The following NDRG1 variants were observed in gnomAD, a reference collection of about 807,000 sequenced individuals.
NDRG1 encodes the protein N-myc downstream regulated 1.
Under a neutral mutation model 56.9 loss-of-function variants are expected in NDRG1, and 32 were observed. That is an observed-to-expected ratio of 0.56 (90% CI 0.42 to 0.76). NDRG1 has a LOEUF of 0.76. Ranked by LOEUF, NDRG1 falls within the 30% of genes least tolerant of loss-of-function variation. NDRG1 has a pLI of 0.00. For synonymous variants in NDRG1, 211 were observed against 204.1 expected (o/e 1.03, Z -0.29); for missense variants, 507 against 545.7 (o/e 0.93, Z 0.71).
At chr8:133,290,610 G>A (rs111839532) in intron 1 of NDRG1, among the ~76,000 whole-genome samples, 44 of 152,290 alleles carry the variant, frequency 2.9e-4, no homozygotes, top group African/African-American at 7.0e-4. Flanking sequence ...CAGATACAAC[G>A]TTGTAAGGTG....
chr8:133,267,193 C>T (rs1405088926), intron 3 of NDRG1, among the ~76,000 whole-genome samples: 1 of 152,162 alleles, frequency 6.6e-6, no homozygotes, highest in Non-Finnish European at 1.5e-5. Context: ...CATCTAAACT[C>T]CTGCAGAGGG....
At chr8:133,260,536 G>C (rs3779934) in intron 5 of NDRG1, among the ~76,000 whole-genome samples, 73,032 of 152,004 alleles carry the variant, frequency 0.48, 17,709 homozygotes, top group South Asian at 0.67. Context: ...CAGAATATTT[G>C]TAAAACTTCA....
At chr8:133,240,290 A>G (rs1855307823) in intron 15 of NDRG1, 1 of 152,242 alleles carries the variant, frequency 6.6e-6, no homozygotes, top group Non-Finnish European at 1.5e-5. Context: ...GTCAGACATC[A>G]GAAACAGGGG....
chr8:133,258,167 T>G (rs1242181888), intron 7 of NDRG1, among the ~76,000 whole-genome samples, 199 bp downstream of exon 7: 1 of 151,914 alleles, frequency 6.6e-6, no homozygotes. Context: ...TCCAGTATCA[T>G]CCTTGAGTGG....
At chr8:133,280,340 G>T in intron 2 of NDRG1, 73 bp from the exon 3 acceptor site, 1 of 1,446,228 alleles carries the variant, frequency 6.9e-7, no homozygotes, top group Middle Eastern at 1.8e-4. Flanking sequence ...GGACATATGG[G>T]CCTTTCTATG....
At chr8:133,259,442 A>G (rs1472260983) in intron 5 of NDRG1, 2 of 606,228 alleles carry the variant, frequency 3.3e-6, no homozygotes, top group African/African-American at 1.8e-5. Context: ...CCATGGACAC[A>G]TTCTGGGAAT....
At chr8:133,270,357 C>T (rs1350628618) in intron 3 of NDRG1, among the ~76,000 whole-genome samples, 8 of 152,166 alleles carry the variant, frequency 5.3e-5, no homozygotes, top group Non-Finnish European at 2.9e-5. Context: ...TGGTTGGCAT[C>T]CCAAACATCT....
intron 8 of NDRG1, among the ~76,000 whole-genome samples, chr8:133,256,563 A>T (rs1856380336): frequency 6.6e-6 from 1 of 152,198 alleles, no homozygotes; most frequent in South Asian, 2.1e-4. Context: ...TGGCTTAGAC[A>T]GCTTGGTGGT....
intron 15 of NDRG1, 191 bp downstream of exon 15, chr8:133,241,832 C>G (rs1855398997): frequency 1.5e-6 from 1 of 656,450 alleles, no homozygotes; most frequent in South Asian, 1.8e-5. Flanking sequence ...GAAAAATGAG[C>G]CTCACTGATA....
intron 15 of NDRG1, chr8:133,241,804 T>C (rs1416846404): frequency 6.5e-6 from 4 of 617,456 alleles, no homozygotes; most frequent in Non-Finnish European, 1.2e-5. Flanking sequence ...GTGAAACAAC[T>C]TCTATTCAAC....
At chr8:133,242,163 A>C in intron 14 of NDRG1, 89 bp from the exon 15 acceptor site, 1 of 1,354,362 alleles carries the variant, frequency 7.4e-7, no homozygotes, top group South Asian at 1.2e-5. Flanking sequence ...GGTCACCTTC[A>C]TTTGAGAGTT....
In NDRG1 at chr8:133,238,928, C is replaced by T; in HGVS notation, c.1135G>A (p.Gly379Ser). The T allele has an allele frequency of 6.4e-7, 1 of 1,565,626 alleles. No individual in the cohort carries two copies. The highest frequency in any genetic ancestry group is 8.7e-7 in the Non-Finnish European group (1 of 1,155,682). Residue 379 changes from glycine (G) to serine (S), a missense_variant, in exon 16 of 16, where the codon GGT (glycine) becomes AGT (serine). Physicochemically the swap from Gly to Ser is moderately conservative, Grantham distance 56. Coordinates refer to ENST00000323851, the MANE Select transcript of NDRG1 (RefSeq NM_006096.4). Reference protein sequence around the residue: ...GAHLDITPNSGAAGNSAGPKS... With the variant: ...GAHLDITPNSSAAGNSAGPKS... ...GGCCCGGCGCTGTTCCCAGCAGCAC[C>T]CGAGTTGGGGGTGATGTCCAGGTGG...
chr8:133,261,142 G>A (rs1009418940), intron 5 of NDRG1, among the ~76,000 whole-genome samples: 1 of 151,976 alleles, frequency 6.6e-6, no homozygotes, highest in African/African-American at 2.4e-5. Context: ...GTCTTGCTCT[G>A]TCACCCAGGC....
In NDRG1 at chr8:133,254,457, C is replaced by T. The variant is rs1037000686; in HGVS notation, c.594+82G>A. 16 of 1,471,822 alleles carry T rather than the reference C, an allele frequency of 1.1e-5. No homozygotes were observed. The South Asian group carries it at 1.2e-4, about 11-fold the overall frequency. The allele number at this position is 1,471,822 out of a possible 1,614,324, so 91.2% of individuals were successfully genotyped here. On this transcript the variant is annotated intron_variant, in intron 9 of 15. Coordinates refer to ENST00000323851, the MANE Select transcript of NDRG1 (RefSeq NM_006096.4). ...AGTTGATTGTGTCTTGTTCTCTCCA[C>T]CCCCACATGGGGCCCTGTGCTGAGC... is the stretch of plus-strand genomic sequence containing the variant.
chr8:133,259,243 C>T lies in NDRG1; in HGVS notation c.327-13G>A. The T allele has an allele frequency of 1.2e-6, 2 of 1,613,964 alleles. No individual in the cohort carries two copies. The highest frequency in any genetic ancestry group is 8.5e-7 in the Non-Finnish European group (1 of 1,179,860). ...GGGGTACATGTACCTGGGGATGACA[C>T]AGAGAAGCCATTAGTGAGCGCCCGG... On this transcript the variant is annotated splice_polypyrimidine_tract_variant and intron_variant, in intron 5 of 15. Transcript: ENST00000323851.
In NDRG1 at chr8:133,238,687, G is replaced by A. The variant is rs1022489271; in HGVS notation, c.*191C>T. 3.4e-5 allele frequency: 23 copies of A among 683,544 alleles called. No homozygotes were observed. Among genetic ancestry groups the A allele is most frequent in the Admixed American group, 1.2e-4 (4 of 33,206 alleles). The allele number at this position is 683,544 out of a possible 1,614,324, so 42.3% of individuals were successfully genotyped here. ...GCTTGCTTCCTTCCTTTGGTCCACC[G>A]CCACCCCGCCTTTGGAGAGGGCACC... is the stretch of plus-strand genomic sequence containing the variant. On this transcript the variant is annotated 3_prime_UTR_variant, in exon 16 of 16. Coordinates refer to ENST00000323851, the MANE Select transcript of NDRG1 (RefSeq NM_006096.4).
chr8:133,262,314 GT>G, intron 4 of NDRG1, 147 bp from the exon 5 acceptor site: 2 of 1,061,830 alleles, frequency 1.9e-6, no homozygotes, highest in Non-Finnish European at 2.7e-6. Context: ...GGCGTTTTTT[GT>G]TTTTTGGTTT....
At chr8:133,259,732 G>T (rs1423573941) in intron 5 of NDRG1, among the ~76,000 whole-genome samples, 3 of 152,226 alleles carry the variant, frequency 2.0e-5, no homozygotes, top group African/African-American at 7.2e-5. Flanking sequence ...CCTCACACAT[G>T]CCGGGCTCTT....
chr8:133,238,853 C>CGG lies in NDRG1; in HGVS notation c.*23_*24dup. 6.5e-7 allele frequency: 1 copy of CGG among 1,544,750 alleles called. No homozygotes were observed. Among genetic ancestry groups the CGG allele is most frequent in the Non-Finnish European group, 8.7e-7 (1 of 1,147,658 alleles). The stretch of plus-strand genomic sequence containing the variant: ...GGGGGCCACTACAGAGATCAGAGTC[C>CGG]GGGGGCGGCAGCTGGGCAGGCCGCC... On this transcript the variant is annotated 3_prime_UTR_variant, in exon 16 of 16. Transcript: ENST00000323851.
Sources: allele counts gnomAD v4.1 joint callset (sites outside exome capture counted in the v4.1 genomes callset), GRCh38; gene constraint gnomAD v4.1.1; transcripts MANE v1.5; gene names NCBI Gene and HGNC (gene_info 2026-07-23, HGNC 2026-07-21).